CARF: variants seen among roughly 807,000 people sequenced by gnomAD.
The protein encoded by CARF is calcium-responsive transcription factor.
In CARF, 57 loss-of-function variants were observed where a neutral mutation model predicts 82.0. The observed-to-expected ratio is 0.70, with a 90% confidence interval of 0.56 to 0.87. The LOEUF is 0.87. CARF is among the 40% of genes least tolerant of loss of function. The pLI is 0.00. For synonymous variants in CARF, 268 were observed against 290.1 expected, an observed-to-expected ratio of 0.92 and a Z score of 0.77; for missense variants, 771 against 855.8, an observed-to-expected ratio of 0.90 and a Z score of 1.24.
chr2:202,970,903 C>T lies in CARF; in HGVS notation c.1098-602C>T, dbSNP rs557282257. Reference sequence around the variant, plus strand: ...GGCTCTCCAAGAGATCTGCATTCACCTTTAGTTAATTCTCTTGCTCACTTG... The same window carrying T: ...GGCTCTCCAAGAGATCTGCATTCACTTTTAGTTAATTCTCTTGCTCACTTG... On this transcript the variant is annotated intron_variant, in intron 11 of 16. Transcript: ENST00000438828. 1.3e-5 allele frequency among the ~76,000 whole-genome samples: 2 copies of T among 150,326 alleles called. 1 individual carries two copies. Among genetic ancestry groups the T allele is most frequent in the African/African-American group, 4.9e-5 (2 of 40,876 alleles).
rs1018495414 is a variant in CARF at position 202,988,177 on chromosome 2, A to C, written c.*4553A>C. ...TGCTGAGTAGAACTGCATTTTATGAATATATCAATTTGTTTATTCTTTTGA... is the reference window on the plus strand; with the variant it reads ...TGCTGAGTAGAACTGCATTTTATGACTATATCAATTTGTTTATTCTTTTGA... On this transcript the variant is annotated 3_prime_UTR_variant, in exon 17 of 17. Coordinates refer to ENST00000438828, the MANE Select transcript of CARF (RefSeq NM_024744.17). Among the ~76,000 whole-genome samples, 1 of 152,190 alleles carries C rather than the reference A, an allele frequency of 6.6e-6. No homozygotes were observed. Among genetic ancestry groups the C allele is most frequent in the Non-Finnish European group, 1.5e-5 (1 of 68,028 alleles).
Position 202,958,723 on chromosome 2 carries a change from GGTAAAACCCT to G in CARF, c.643-2511_643-2502del, listed in dbSNP as rs566422826. 4.0e-3 allele frequency among the ~76,000 whole-genome samples: 612 copies of G among 152,112 alleles called. 4 individuals carry two copies. Among genetic ancestry groups the G allele is most frequent in the African/African-American group, 0.014 (580 of 41,492 alleles). On this transcript the variant is annotated intron_variant, in intron 8 of 16. Coordinates refer to ENST00000438828, the MANE Select transcript of CARF (RefSeq NM_024744.17). ...AGATTGAGACCATCCTGGCCAACAT[GGTAAAACCCT>G]GTCTCTACTAAAAATACAAAAATTA... is the stretch of plus-strand genomic sequence containing the variant.
Position 202,929,134 on chromosome 2 carries a change from C to T in CARF, c.-44+4719C>T, listed in dbSNP as rs1040105946. ...TGGAATAGTTTGCAAATATTTTCTT[C>T]CACTCTGCAGGTTGTCTCTTCACTC... On this transcript the variant is annotated intron_variant, in intron 3 of 16. Coordinates refer to ENST00000438828, the MANE Select transcript of CARF (RefSeq NM_024744.17). 2.6e-5 allele frequency among the ~76,000 whole-genome samples: 4 copies of T among 152,298 alleles called. No individual in the cohort carries two copies. In the South Asian group the frequency reaches 8.3e-4, roughly 32 times the overall value.
chr2:202,971,440 G>A, intron 11 of CARF, 65 bp from the exon 12 acceptor site: 1 of 947,028 alleles, frequency 1.1e-6, no homozygotes, highest in Non-Finnish European at 1.6e-6. Flanking sequence ...TCCTACTTTG[G>A]TCTAATAATA....
chr2:202,925,437 T>G, intron 3 of CARF: 1 of 296,516 alleles, frequency 3.4e-6, no homozygotes, highest in Non-Finnish European at 6.7e-6. Context: ...GTGCCCAGTA[T>G]GAGGAGATCA....
At chr2:202,914,283 A>T (rs543808984) in intron 1 of CARF, among the ~76,000 whole-genome samples, 11 of 152,172 alleles carry the variant, frequency 7.2e-5, no homozygotes, top group African/African-American at 2.7e-4. Flanking sequence ...TGTTTTATAT[A>T]TATAATGCCA....
rs2060170826 is a variant in CARF at position 202,979,736 on chromosome 2, G to A, written c.1559-1819G>A. ...GAATCACTTGAACCTGGGAGGCAGA[G>A]GTTGCAATGAGCCGAGATTGCGTCA... On this transcript the variant is annotated intron_variant, in intron 14 of 16. Transcript: ENST00000438828. 2.0e-5 allele frequency among the ~76,000 whole-genome samples: 3 copies of A among 151,830 alleles called. No homozygotes were observed. In the South Asian group the frequency reaches 6.2e-4, roughly 32 times the overall value.
rs927188646 is a variant in CARF at position 202,983,859 on chromosome 2, C to A, written c.*235C>A. 5 of 405,618 alleles carry A rather than the reference C, an allele frequency of 1.2e-5. No individual in the cohort carries two copies. Among genetic ancestry groups the A allele is most frequent in the Non-Finnish European group, 1.7e-5 (4 of 231,248 alleles). The allele number at this position is 405,618 out of a possible 1,614,324, so 25.1% of individuals were successfully genotyped here. Reference sequence around the variant, plus strand: ...ATGCTCTTTGATTATCTAATAAGGCCAGTATTTCAAAAGCTGTTCTGAATT... The same window carrying A: ...ATGCTCTTTGATTATCTAATAAGGCAAGTATTTCAAAAGCTGTTCTGAATT... On this transcript the variant is annotated 3_prime_UTR_variant, in exon 17 of 17. Transcript: ENST00000438828.
At chr2:202,936,346 C>A (rs1693945513) in intron 3 of CARF, among the ~76,000 whole-genome samples, 1 of 152,120 alleles carries the variant, frequency 6.6e-6, no homozygotes, top group Non-Finnish European at 1.5e-5. Flanking sequence ...ACTGACAGTT[C>A]ATTCACAAAG....
chr2:202,987,685 C>A lies in CARF; in HGVS notation c.*4061C>A, dbSNP rs1055506140. On this transcript the variant is annotated 3_prime_UTR_variant, in exon 17 of 17. Coordinates refer to ENST00000438828, the MANE Select transcript of CARF (RefSeq NM_024744.17). ...TTATTAATGGATGCTAAAGTGATTCCTGAGAAAAATAATGTGTATGGTTAA... is the reference window on the plus strand; with the variant it reads ...TTATTAATGGATGCTAAAGTGATTCATGAGAAAAATAATGTGTATGGTTAA... Among the ~76,000 whole-genome samples, 2 of 152,016 alleles carry A rather than the reference C, an allele frequency of 1.3e-5. No homozygotes were observed. The highest frequency in any genetic ancestry group is 6.6e-5 in the Admixed American group (1 of 15,264).
Position 202,983,517 on chromosome 2 carries a change from C to G in CARF, c.2071C>G (p.Pro691Ala), listed in dbSNP as rs554151513. Residue 691 changes from proline to alanine, a missense_variant, in exon 17 of 17, where the codon CCA (proline) becomes GCA (alanine). Coordinates refer to ENST00000438828, the MANE Select transcript of CARF (RefSeq NM_024744.17). The part of the protein sequence containing the change: ...DNHSALIEEN[P>A]ESTISVSQVK... ...GTTTGTTTTTAAAGTTGAAGAAAAT[C>G]CAGAAAGTACCATTTCTGTGAGCCA... 14 of 1,597,834 alleles carry G rather than the reference C, an allele frequency of 8.8e-6. No individual in the cohort carries two copies. The highest frequency in any genetic ancestry group is 8.1e-5 in the African/African-American group (6 of 74,080).
chr2:202,949,518 T>A (rs903307893), intron 5 of CARF, among the ~76,000 whole-genome samples: 3 of 89,018 alleles, frequency 3.4e-5, no homozygotes, highest in African/African-American at 1.4e-4. Context: ...GTTATTTATT[T>A]ATTATTATTA....
At position 202,961,263 on chromosome 2, in the gene CARF, C is replaced by T. The variant is rs1247972620; in HGVS notation, c.669C>T (p.Tyr223=). The stretch of plus-strand genomic sequence containing the variant: ...AAATTGGAGATTCATACCGTGGCTA[C>T]TGTGTAAGTGAGACTGAATTAGAAA... ...CEKIGDSYRG[Y]CVSETELESV... The change falls in exon 9 of 17, where the codon TAC becomes TAT. Residue 223 remains tyrosine, a synonymous_variant. Coordinates refer to ENST00000438828, the MANE Select transcript of CARF (RefSeq NM_024744.17). 1 of 1,609,596 alleles carries T rather than the reference C, an allele frequency of 6.2e-7. No individual in the cohort carries two copies. Among genetic ancestry groups the T allele is most frequent in the East Asian group, 2.2e-5 (1 of 44,766 alleles).
chr2:202,981,092 GGGCTACATCA>G (rs1181679998), intron 14 of CARF, among the ~76,000 whole-genome samples: 1 of 152,106 alleles, frequency 6.6e-6, no homozygotes, highest in African/African-American at 2.4e-5. Flanking sequence ...TGCAAATAGT[GGGCTACATCA>G]GCAGTCCCCA....
At chr2:202,955,429 T>TA (rs2058990073) in intron 7 of CARF, among the ~76,000 whole-genome samples, 1 of 152,190 alleles carries the variant, frequency 6.6e-6, no homozygotes, top group African/African-American at 2.4e-5. Flanking sequence ...ATGAAACACT[T>TA]AAAGTTGTTG....
chr2:202,964,898 T>TAC (rs1239416435), intron 9 of CARF, among the ~76,000 whole-genome samples: 1 of 148,712 alleles, frequency 6.7e-6, no homozygotes, highest in Non-Finnish European at 1.5e-5. Context: ...TATATATATA[T>TAC]ATACACACAC....
intron 13 of CARF, among the ~76,000 whole-genome samples, chr2:202,976,973 C>T (rs1388040780): frequency 1.3e-5 from 2 of 152,134 alleles, no homozygotes; most frequent in Admixed American, 6.5e-5. Context: ...GCTTCCCAAG[C>T]CTTACGGGCA....
intron 3 of CARF, 192 bp downstream of exon 3, chr2:202,924,607 C>G (rs1378039717): frequency 6.5e-6 from 1 of 152,788 alleles, no homozygotes; most frequent in East Asian, 1.9e-4. Context: ...CCATCCTCCA[C>G]CATATCTATC....
intron 14 of CARF, among the ~76,000 whole-genome samples, chr2:202,979,035 T>A (rs2060141607): frequency 6.6e-6 from 1 of 152,102 alleles, no homozygotes; most frequent in Non-Finnish European, 1.5e-5. Flanking sequence ...GGTAGGTGGA[T>A]CATTTGAGGT....
Sources: gnomAD v4.1 joint callset for allele counts (sites outside exome capture counted in the v4.1 genomes callset) on GRCh38, gnomAD v4.1.1 for gene constraint, MANE v1.5 for transcripts, NCBI Gene and HGNC (gene_info 2026-07-23, HGNC 2026-07-21) for gene names.